Variants in RBFOX1 observed in about 807,000 individuals in gnomAD.
The protein encoded by RBFOX1 is RNA binding protein fox-1 homolog 1.
RBFOX1 carries 8 observed loss-of-function variants against 57.7 expected under a neutral mutation model. That is an observed-to-expected ratio of 0.14 (90% CI 0.08 to 0.25). The LOEUF is 0.25. Among genes scored for constraint, RBFOX1 ranks in the 10% least tolerant of loss-of-function variants. The pLI, the probability that RBFOX1 is intolerant of heterozygous loss-of-function variation, is 1.00. For missense variants in RBFOX1, 611 were observed against 548.5 expected, an observed-to-expected ratio of 1.11 and a Z score of -1.14; for synonymous variants, 326 against 222.4, an observed-to-expected ratio of 1.47 and a Z score of -4.15.
At chr16:6,111,233 C>T in intron 1 of RBFOX1, among the ~76,000 whole-genome samples, 1 of 152,284 alleles carries the variant, frequency 6.6e-6, no homozygotes, top group Admixed American at 6.5e-5. Flanking sequence ...TCTCATCAGT[C>T]AGAACAGAAA....
chr16:6,785,029 G>T (rs76353323), intron 3 of RBFOX1, among the ~76,000 whole-genome samples: 2 of 151,196 alleles, frequency 1.3e-5, no homozygotes, highest in South Asian at 4.2e-4. Context: ...ACTTCTGAGT[G>T]AAAAAAAATA....
intron 3 of RBFOX1, among the ~76,000 whole-genome samples, chr16:6,891,452 T>C (rs2065392251): frequency 6.6e-6 from 1 of 151,230 alleles, no homozygotes; most frequent in Non-Finnish European, 1.5e-5. Flanking sequence ...TGAAGACACA[T>C]ACACACACAC....
Position 6,528,197 on chromosome 16 carries a change from C to T in RBFOX1, c.-63-126406C>T, listed in dbSNP as rs368271281. Among the ~76,000 whole-genome samples, 5 of 152,230 alleles carry T rather than the reference C, an allele frequency of 3.3e-5. No homozygotes were observed. The East Asian group carries it at 7.7e-4, about 24-fold the overall frequency. ...CTTTTATCCTCCCCCCATAAATTGC[C>T]CTGCTCATAGTAGTTGCTCAATAAA... On this transcript the variant is annotated intron_variant, in intron 2 of 15. Coordinates refer to ENST00000550418, the MANE Select transcript of RBFOX1 (RefSeq NM_018723.4).
At chr16:6,314,277 A>G (rs1051033555) in intron 1 of RBFOX1, among the ~76,000 whole-genome samples, 3 of 152,196 alleles carry the variant, frequency 2.0e-5, no homozygotes, top group Non-Finnish European at 2.9e-5. Context: ...CCCAGACTAC[A>G]TAGTTACAGT....
intron 4 of RBFOX1, among the ~76,000 whole-genome samples, chr16:7,220,706 C>G (rs1353114565): frequency 2.0e-5 from 3 of 152,208 alleles, no homozygotes; most frequent in African/African-American, 4.8e-5. Flanking sequence ...GATCTGTGAA[C>G]TTGCCACAGG....
chr16:6,642,425 G>A (rs770618327), intron 2 of RBFOX1, among the ~76,000 whole-genome samples: 18 of 152,026 alleles, frequency 1.2e-4, no homozygotes, highest in Non-Finnish European at 2.2e-4. Flanking sequence ...GAGCTCACCT[G>A]GTGACAGGAG....
chr16:6,355,790 G>C (rs1216441000), intron 2 of RBFOX1, among the ~76,000 whole-genome samples: 1 of 152,108 alleles, frequency 6.6e-6, no homozygotes, highest in Admixed American at 6.5e-5. Flanking sequence ...ATCCTCTCCA[G>C]CTTCTTTTGT....
chr16:6,198,420 C>T (rs576547513), intron 1 of RBFOX1, among the ~76,000 whole-genome samples: 18 of 152,092 alleles, frequency 1.2e-4, no homozygotes, highest in Non-Finnish European at 2.2e-4. Flanking sequence ...ATGAAGCCCA[C>T]GGGAGACCTT....
chr16:5,278,666 A>G (rs2063199157), intron 1 of RBFOX1, among the ~76,000 whole-genome samples: 1 of 152,146 alleles, frequency 6.6e-6, no homozygotes, highest in South Asian at 2.1e-4. Flanking sequence ...TAGCCATGCA[A>G]TCTTTGTTCT....
chr16:7,036,773 A>G (rs1312095948), intron 3 of RBFOX1, among the ~76,000 whole-genome samples: 3 of 152,132 alleles, frequency 2.0e-5, no homozygotes, highest in Non-Finnish European at 4.4e-5. Flanking sequence ...TCCATAGAGT[A>G]AAGTGAAAGC....
At chr16:5,884,511 T>C (rs2057848825) in intron 4 of RBFOX1, among the ~76,000 whole-genome samples, 1 of 142,526 alleles carries the variant, frequency 7.0e-6, no homozygotes, top group African/African-American at 2.6e-5. Context: ...GGACTACATT[T>C]CCCAGCCTCC....
At chr16:5,714,856 C>T (rs984335570) in intron 3 of RBFOX1, among the ~76,000 whole-genome samples, 5 of 152,160 alleles carry the variant, frequency 3.3e-5, no homozygotes, top group African/African-American at 1.2e-4. Flanking sequence ...GAGCAGTGAG[C>T]CAAGGTCACG....
intron 4 of RBFOX1, among the ~76,000 whole-genome samples, chr16:7,251,138 C>G (rs1356516542): frequency 6.6e-6 from 1 of 152,104 alleles, no homozygotes; most frequent in African/African-American, 2.4e-5. Context: ...AATTTTGTAT[C>G]CATTCACCAA....
At chr16:6,068,927 C>G (rs1317134423) in intron 1 of RBFOX1, among the ~76,000 whole-genome samples, 1 of 152,084 alleles carries the variant, frequency 6.6e-6, no homozygotes, top group Non-Finnish European at 1.5e-5. Flanking sequence ...CTCAGTTTGG[C>G]CCGGGAACAG....
chr16:6,861,331 G>A (rs187269891), intron 3 of RBFOX1, among the ~76,000 whole-genome samples: 7 of 152,206 alleles, frequency 4.6e-5, no homozygotes, highest in African/African-American at 1.7e-4. Flanking sequence ...TGGTAAGATT[G>A]TTAAGGGCAG....
At chr16:5,357,123 T>C (rs906960124) in intron 1 of RBFOX1, among the ~76,000 whole-genome samples, 1 of 152,166 alleles carries the variant, frequency 6.6e-6, no homozygotes, top group Non-Finnish European at 1.5e-5. Flanking sequence ...CTCATGAGCA[T>C]TTGTTGAGTG....
intron 3 of RBFOX1, among the ~76,000 whole-genome samples, chr16:5,710,744 G>C (rs779956775): frequency 6.6e-6 from 1 of 152,164 alleles, no homozygotes; most frequent in Non-Finnish European, 1.5e-5. Flanking sequence ...GCAACATGGA[G>C]CCTATTACCG....
intron 15 of RBFOX1, 199 bp from the exon 16 acceptor site, chr16:7,710,424 G>C (rs1269864112): frequency 2.1e-6 from 3 of 1,397,020 alleles, no homozygotes; most frequent in East Asian, 2.8e-5. Flanking sequence ...GTTTTGCAGG[G>C]AATTTCTTTA....
At chr16:6,923,725 A>G (rs952126556) in intron 3 of RBFOX1, among the ~76,000 whole-genome samples, 2 of 152,158 alleles carry the variant, frequency 1.3e-5, no homozygotes, top group Non-Finnish European at 2.9e-5. Context: ...GTAGAAGGCC[A>G]GCAAAGTGGT....
Sources: gnomAD v4.1 joint callset for allele counts (sites outside exome capture counted in the v4.1 genomes callset) on GRCh38, gnomAD v4.1.1 for gene constraint, MANE v1.5 for transcripts, NCBI Gene and HGNC (gene_info 2026-07-23, HGNC 2026-07-21) for gene names.